The following PREX2 variants were observed in gnomAD, a reference collection of about 807,000 sequenced individuals.
PREX2 encodes the protein phosphatidylinositol-3,4,5-trisphosphate dependent Rac exchange factor 2, also known as phosphatidylinositol 3,4,5-trisphosphate-dependent Rac exchanger 2 protein.
In PREX2, 107 loss-of-function variants were observed where a neutral mutation model predicts 203.2. That is an observed-to-expected ratio of 0.53 (90% CI 0.45 to 0.62). The LOEUF is 0.62. Among genes scored for constraint, PREX2 ranks in the 20% least tolerant of loss-of-function variants. The pLI is 0.00. For synonymous variants in PREX2, 672 were observed against 663.6 expected (o/e 1.01, Z -0.19); for missense variants, 1,777 against 1,955.9 (o/e 0.91, Z 1.72).
intron 35 of PREX2, among the ~76,000 whole-genome samples, chr8:68,171,516 G>A (rs932706891): frequency 2.6e-5 from 4 of 151,992 alleles, no homozygotes; most frequent in African/African-American, 4.8e-5. Context: ...CCCCTGAAAT[G>A]CGATGAATAT....
chr8:68,080,405 A>C (rs1402887040), intron 15 of PREX2, 38 bp from the exon 16 acceptor site: 1 of 1,598,206 alleles, frequency 6.3e-7, no homozygotes, highest in East Asian at 2.2e-5. Context: ...GCGATTTTTG[A>C]ATTAGCTGAA....
rs116241907 is a variant in PREX2, at chr8:68,065,075, G to A, written c.1340-3958G>A. 7.2e-3 allele frequency among the ~76,000 whole-genome samples: 1,090 copies of A among 152,270 alleles called. 20 individuals carry two copies. The highest frequency in any genetic ancestry group is 0.025 in the African/African-American group (1,037 of 41,550). ...ACCCATTTTCCATGCTAGATAAATT[G>A]GGAGAGCAAATTTGAATGCAGAACA... On this transcript the variant is annotated intron_variant, in intron 11 of 39. Coordinates refer to ENST00000288368, the MANE Select transcript of PREX2 (RefSeq NM_024870.4).
chr8:68,134,349 G>A, intron 32 of PREX2, 73 bp downstream of exon 32: 2 of 1,215,846 alleles, frequency 1.6e-6, no homozygotes, highest in Non-Finnish European at 2.4e-6. Context: ...GAAATAAGAA[G>A]TAGTTATTTC....
intron 13 of PREX2, among the ~76,000 whole-genome samples, chr8:68,071,350 G>A (rs1585757942): frequency 1.3e-5 from 2 of 152,216 alleles, no homozygotes; most frequent in Middle Eastern, 3.4e-3. Flanking sequence ...ATGAAGAGCC[G>A]TAGACTTGCA....
chr8:67,980,419 C>A (rs10113501), intron 1 of PREX2, among the ~76,000 whole-genome samples: 17,335 of 151,822 alleles, frequency 0.11, 1,124 homozygotes, highest in African/African-American at 0.19. Flanking sequence ...TTGGATGTTC[C>A]AAAAATAAAC....
chr8:68,000,145 G>A (rs1806897808), intron 1 of PREX2, among the ~76,000 whole-genome samples: 2 of 152,208 alleles, frequency 1.3e-5, no homozygotes, highest in African/African-American at 4.8e-5. Context: ...TAGCAAGAGA[G>A]GAAGTCAAAC....
chr8:67,988,125 C>G (rs1806490759), intron 1 of PREX2, among the ~76,000 whole-genome samples: 1 of 152,220 alleles, frequency 6.6e-6, no homozygotes, highest in African/African-American at 2.4e-5. Flanking sequence ...TGGATTGCCT[C>G]TCTTCCTATT....
chr8:68,055,868 A>G lies in PREX2; in HGVS notation c.1132A>G (p.Ile378Val). Residue 378 changes from isoleucine to valine, a missense_variant, in exon 10 of 40, where the codon ATC becomes GTC. Coordinates refer to ENST00000288368, the MANE Select transcript of PREX2 (RefSeq NM_024870.4). Reference protein sequence around the residue: ...LGMEQDTWVMISEQGEKLYKM... With the variant: ...LGMEQDTWVMVSEQGEKLYKM... ...AATGGAGCAAGATACCTGGGTCATG[A>G]TCTCTGAACAGGGTGAGAAACTTTA... 6.2e-7 allele frequency: 1 copy of G among 1,613,520 alleles called. No individual in the cohort carries two copies.
chr8:67,999,506 A>G (rs1394167645), intron 1 of PREX2, among the ~76,000 whole-genome samples: 1 of 149,586 alleles, frequency 6.7e-6, no homozygotes, highest in African/African-American at 2.4e-5. Flanking sequence ...GCCCAGAACC[A>G]GACAGATTCA....
chr8:68,013,647 G>C (rs1333040803), intron 1 of PREX2, among the ~76,000 whole-genome samples: 1 of 152,100 alleles, frequency 6.6e-6, no homozygotes, highest in Non-Finnish European at 1.5e-5. Flanking sequence ...AAGTTAAAGG[G>C]TAAAAGGAAA....
chr8:68,225,655 C>G (rs1813044328), intron 39 of PREX2, among the ~76,000 whole-genome samples: 1 of 152,066 alleles, frequency 6.6e-6, no homozygotes, highest in Admixed American at 6.6e-5. Flanking sequence ...ACAAACTTTC[C>G]CCCTGAAAAT....
At chr8:68,196,468 T>C (rs1812397253) in intron 37 of PREX2, among the ~76,000 whole-genome samples, 1 of 147,134 alleles carries the variant, frequency 6.8e-6, no homozygotes, top group African/African-American at 2.5e-5. Flanking sequence ...GGAGACACTA[T>C]ATATATGTAC....
At position 68,042,507 on chromosome 8, in the gene PREX2, G is replaced by T. The variant is rs368343411; in HGVS notation, c.840-1980G>T. 8.5e-5 allele frequency among the ~76,000 whole-genome samples: 13 copies of T among 152,070 alleles called. 1 individual carries two copies. The East Asian group carries it at 1.9e-3, about 23-fold the overall frequency. ...TAGCAAAAATTTATTCATTTTACCT[G>T]CTGCATAATATTTCATTAGTTGAAT... On this transcript the variant is annotated intron_variant, in intron 7 of 39. Coordinates refer to ENST00000288368, the MANE Select transcript of PREX2 (RefSeq NM_024870.4).
chr8:68,095,747 C>CG (rs1181443663), intron 21 of PREX2, among the ~76,000 whole-genome samples: 2 of 151,604 alleles, frequency 1.3e-5, no homozygotes, highest in Non-Finnish European at 2.9e-5. Flanking sequence ...AGTGATCCGC[C>CG]GTCAGTTCCC....
intron 1 of PREX2, among the ~76,000 whole-genome samples, chr8:67,967,501 G>A (rs1211392932): frequency 6.6e-6 from 1 of 152,196 alleles, no homozygotes; most frequent in South Asian, 2.1e-4. Context: ...TGGAACTGCA[G>A]CCAACATTCA....
chr8:68,074,846 ATAGTT>A (rs1809299842), intron 14 of PREX2, among the ~76,000 whole-genome samples: 1 of 152,186 alleles, frequency 6.6e-6, no homozygotes, highest in African/African-American at 2.4e-5. Flanking sequence ...TCTAGAGCCT[ATAGTT>A]TTTCTCTTAT....
At chr8:68,118,670 G>C in intron 27 of PREX2, 26 bp downstream of exon 27, 1 of 1,517,982 alleles carries the variant, frequency 6.6e-7, no homozygotes, top group Non-Finnish European at 9.1e-7. Context: ...AAGGCCTGTG[G>C]GCTTTTTGAT....
At chr8:68,065,486 T>G (rs941346415) in intron 11 of PREX2, among the ~76,000 whole-genome samples, 15 of 152,282 alleles carry the variant, frequency 9.9e-5, no homozygotes, top group Non-Finnish European at 2.1e-4. Context: ...AAAAGAACAA[T>G]TTTTGGTCAT....
chr8:68,213,525 G>A (rs1312512394), intron 37 of PREX2, among the ~76,000 whole-genome samples: 1 of 152,110 alleles, frequency 6.6e-6, no homozygotes, highest in Non-Finnish European at 1.5e-5. Flanking sequence ...AAAGAATCAT[G>A]CAATAAAATA....
Sources: allele counts gnomAD v4.1 joint callset (sites outside exome capture counted in the v4.1 genomes callset), GRCh38; gene constraint gnomAD v4.1.1; transcripts MANE v1.5; gene names NCBI Gene and HGNC (gene_info 2026-07-23, HGNC 2026-07-21).